PABPC4: variants seen among roughly 807,000 people sequenced by gnomAD.
The protein encoded by PABPC4 is polyadenylate-binding protein 4.
Under a neutral mutation model 74.5 loss-of-function variants are expected in PABPC4, and 15 were observed. The ratio of observed to expected loss-of-function variants is 0.20; its 90% CI spans 0.13 to 0.31. The LOEUF (loss-of-function observed/expected upper bound fraction) is 0.31. Ranked by LOEUF, PABPC4 falls within the 10% of genes least tolerant of loss-of-function variation. PABPC4 has a pLI of 1.00. For synonymous variants in PABPC4, 345 were observed against 303.0 expected (o/e 1.14, Z -1.44); for missense variants, 610 against 853.5 (o/e 0.71, Z 3.55).
At chr1:39,563,296 T>G in intron 12 of PABPC4, 1 of 290,158 alleles carries the variant, frequency 3.4e-6, no homozygotes, top group South Asian at 5.6e-5. Flanking sequence ...CAGCCAAGGA[T>G]CCAATAGGTC....
intron 3 of PABPC4, 142 bp from the exon 4 acceptor site, chr1:39,570,144 C>G (rs1645917027): frequency 5.2e-6 from 4 of 764,964 alleles, no homozygotes; most frequent in Non-Finnish European, 8.4e-6. Flanking sequence ...CTCAGAGATA[C>G]CCCAAGTCCC....
Position 39,564,424 on chromosome 1 carries a change from G to T in PABPC4, c.1452C>A (p.Val484=). Residue 484 remains valine, a splice_region_variant and synonymous_variant, in exon 10 of 16, where the codon GTC becomes GTA. Coordinates refer to ENST00000372858, the MANE Select transcript of PABPC4 (RefSeq NM_001135653.2). ...ACTTCTAAAGGCCAGTTTGCTCACCGACTCTCTGAGTGGTAGTAGGGAGGC... is the reference window on the plus strand; with the variant it reads ...ACTTCTAAAGGCCAGTTTGCTCACCTACTCTCTGAGTGGTAGTAGGGAGGC... The part of the protein sequence containing the change: ...SRGLPTTTQR[V]GSECPDRLAM... 1 of 1,613,588 alleles carries T rather than the reference G, an allele frequency of 6.2e-7. No homozygotes were observed. Among genetic ancestry groups the T allele is most frequent in the South Asian group, 1.1e-5 (1 of 91,034 alleles).
chr1:39,571,329 G>A lies in PABPC4; in HGVS notation c.408C>T (p.Gly136=), dbSNP rs1242521645. The change falls in exon 3 of 16, where the codon GGC becomes GGT. Residue 136 remains glycine, a synonymous_variant. Transcript: ENST00000372858. The part of the protein sequence containing the change: ...LSCKVVCDEN[G]SKGYAFVHFE... Reference sequence around the variant, plus strand: ...AGTGGACAAAGGCATAACCCTTAGAGCCGTTCTCATCACACACCACCTGTC... The same window carrying A: ...AGTGGACAAAGGCATAACCCTTAGAACCGTTCTCATCACACACCACCTGTC... 4 of 1,614,024 alleles carry A rather than the reference G, an allele frequency of 2.5e-6. No individual in the cohort carries two copies. The East Asian group carries it at 6.7e-5, about 27-fold the overall frequency.
chr1:39,561,908 AC>A, intron 14 of PABPC4, 121 bp from the exon 15 acceptor site: 1 of 1,175,526 alleles, frequency 8.5e-7, no homozygotes, highest in African/African-American at 1.5e-5. Context: ...TCTGGTGCTA[AC>A]TACTTTCCCA....
At chr1:39,570,952 T>A in intron 3 of PABPC4, 1 of 949,008 alleles carries the variant, frequency 1.1e-6, no homozygotes, top group Admixed American at 3.3e-5. Flanking sequence ...TTAGAGCTGC[T>A]TTCCAGCCAG....
intron 12 of PABPC4, chr1:39,562,644 C>T (rs1645782090): frequency 2.2e-6 from 1 of 454,604 alleles, no homozygotes; most frequent in African/African-American, 2.0e-5. Flanking sequence ...GGCATGCTAT[C>T]AGAAAGCGAA....
chr1:39,565,367 C>T lies in PABPC4; in HGVS notation c.984G>A (p.Glu328=), dbSNP rs976429920. ...GSITSAKVML[E]DGRSKGFGFV... ...AGCCAAACCCTTTGCTTCTTCCATCCTCCAGCATTACCTACAAAATGAGAC... is the reference window on the plus strand; with the variant it reads ...AGCCAAACCCTTTGCTTCTTCCATCTTCCAGCATTACCTACAAAATGAGAC... The change falls in exon 8 of 16, where the codon GAG becomes GAA. Residue 328 remains glutamate, a synonymous_variant. Coordinates refer to ENST00000372858, the MANE Select transcript of PABPC4 (RefSeq NM_001135653.2). The T allele has an allele frequency of 1.2e-6, 2 of 1,610,934 alleles. No individual in the cohort carries two copies. Among genetic ancestry groups the T allele is most frequent in the Non-Finnish European group, 1.7e-6 (2 of 1,178,104 alleles).
chr1:39,567,634 G>A (rs933140972), intron 7 of PABPC4, 117 bp downstream of exon 7: 28 of 712,062 alleles, frequency 3.9e-5, no homozygotes, highest in Middle Eastern at 2.6e-4. Context: ...CTAGAAAAAC[G>A]TAGTAGCTAC....
At chr1:39,570,154 C>A in intron 3 of PABPC4, 152 bp from the exon 4 acceptor site, 1 of 741,356 alleles carries the variant, frequency 1.3e-6, no homozygotes, top group Non-Finnish European at 2.2e-6. Flanking sequence ...CCCCAAGTCC[C>A]CAGCAGAAAG....
intron 1 of PABPC4, among the ~76,000 whole-genome samples, chr1:39,573,873 G>A (rs1645977413): frequency 6.6e-6 from 1 of 152,116 alleles, no homozygotes; most frequent in Non-Finnish European, 1.5e-5. Context: ...CCACCTGCCA[G>A]CCAAAACACT....
At position 39,572,544 on chromosome 1, in the gene PABPC4, C is replaced by T; in HGVS notation, c.236G>A (p.Gly79Glu). 6.2e-7 allele frequency: 1 copy of T among 1,614,116 alleles called. No individual in the cohort carries two copies. Among genetic ancestry groups the T allele is most frequent in the Non-Finnish European group, 8.5e-7 (1 of 1,179,980 alleles). ...LDTMNFDVIK[G>E]KPIRIMWSQR... is the part of the protein sequence containing the mutation. ...AGACCACATGATGCGGATTGGCTTT[C>T]CCTTAATCACATCAAAGTTCATGGT... Residue 79 changes from glycine (G) to glutamate (E), a missense_variant, in exon 2 of 16, where the codon GGA becomes GAA. Transcript: ENST00000372858.
intron 7 of PABPC4, among the ~76,000 whole-genome samples, chr1:39,566,987 C>A (rs1295518041): frequency 7.1e-6 from 1 of 141,762 alleles, no homozygotes; most frequent in Non-Finnish European, 1.6e-5. Context: ...TACCAGCCCA[C>A]GTGGCTTCCC....
rs1040118287 is a variant in PABPC4 at position 39,576,403 on chromosome 1, G to A, written c.-452C>T. ...AAGATTACAACCGCCGGGGCAGAGG[G>A]AAACCAAATCTTTGTGGGCGCCGAC... On this transcript the variant is annotated 5_prime_UTR_variant, in exon 1 of 16. Transcript: ENST00000372858. 1.3e-5 allele frequency: 2 copies of A among 152,190 alleles called. No individual in the cohort carries two copies. Among genetic ancestry groups the A allele is most frequent in the East Asian group, 1.9e-4 (1 of 5,190 alleles). The allele number at this position is 152,190 out of a possible 1,614,324, so 9.4% of individuals were successfully genotyped here.
chr1:39,561,640 AG>A (rs1273465586), intron 15 of PABPC4, 44 bp downstream of exon 15: 1 of 1,340,822 alleles, frequency 7.5e-7, no homozygotes, highest in Admixed American at 1.7e-5. Flanking sequence ...CAATGCTCAT[AG>A]GAACAATGCT....
chr1:39,568,570 G>C (rs1645887946), intron 6 of PABPC4: 1 of 444,084 alleles, frequency 2.3e-6, no homozygotes, highest in African/African-American at 2.0e-5. Context: ...GCAACAGGCT[G>C]AGGCTTCCAA....
chr1:39,562,662 GTAAATAA>G (rs1645782429), intron 12 of PABPC4: 1 of 432,446 alleles, frequency 2.3e-6, no homozygotes, highest in African/African-American at 2.0e-5. Context: ...GAAGTGAAAC[GTAAATAA>G]TAAAACAAAC....
At position 39,563,447 on chromosome 1, in the gene PABPC4, C is replaced by T. The variant is rs1056988256; in HGVS notation, c.1668+167G>A. The T allele has an allele frequency of 1.1e-5, 10 of 884,662 alleles. No individual in the cohort carries two copies. In the Admixed American group the frequency reaches 3.1e-4, roughly 28 times the overall value. The allele number at this position is 884,662 out of a possible 1,614,324, so 54.8% of individuals were successfully genotyped here. A position where few individuals can be genotyped will look rare whatever the true frequency, so the allele number is the denominator to read the frequency against. ...CAGGCAGAGCACTTTTAAGCCCCTT[C>T]TTTCCCACTAGTGAGCCCCTGAAGG... is the stretch of plus-strand genomic sequence containing the variant. On this transcript the variant is annotated intron_variant, in intron 12 of 15. Coordinates refer to ENST00000372858, the MANE Select transcript of PABPC4 (RefSeq NM_001135653.2).
At chr1:39,561,582 A>G in intron 15 of PABPC4, 103 bp downstream of exon 15, 2 of 752,728 alleles carry the variant, frequency 2.7e-6, no homozygotes, top group African/African-American at 1.7e-5. Context: ...TTGTATTCCC[A>G]GAGCTAAGCA....
intron 5 of PABPC4, among the ~76,000 whole-genome samples, chr1:39,569,246 T>C (rs903791872): frequency 2.6e-5 from 4 of 152,166 alleles, no homozygotes; most frequent in African/African-American, 9.7e-5. Flanking sequence ...GGTATTTAAG[T>C]GATAAATATT....
Sources: gnomAD v4.1 joint callset for allele counts (sites outside exome capture counted in the v4.1 genomes callset) on GRCh38, gnomAD v4.1.1 for gene constraint, MANE v1.5 for transcripts, NCBI Gene and HGNC (gene_info 2026-07-23, HGNC 2026-07-21) for gene names.